GSE1: variants seen among roughly 807,000 people sequenced by gnomAD.
GSE1 encodes the protein genetic suppressor element 1.
A neutral mutation model predicts 112.6 loss-of-function variants in GSE1; 32 were observed. The ratio of observed to expected loss-of-function variants is 0.28; its 90% CI spans 0.21 to 0.38. The LOEUF is 0.38. Ranked by LOEUF, GSE1 falls within the 10% of genes least tolerant of loss-of-function variation. The pLI, the probability that GSE1 is intolerant of heterozygous loss-of-function variation, is 1.00. For missense variants in GSE1, 2,348 were observed against 1,699.2 expected (o/e 1.38, Z -6.71); for synonymous variants, 1,115 against 735.6 (o/e 1.52, Z -8.35).
chr16:85,247,053 C>T (rs1905934193), intron 1 of GSE1, among the ~76,000 whole-genome samples: 1 of 152,138 alleles, frequency 6.6e-6, no homozygotes, highest in Admixed American at 6.5e-5. Context: ...ACCTGCCCCA[C>T]CCCCCAGGGC....
Position 85,648,622 on chromosome 16 carries a change from A to G in GSE1, c.297A>G (p.Thr99=). ...PATNHSSPAS[T]PKRVPMGPII... is the part of the protein sequence containing the mutation. ...CCAACCACAGCTCCCCCGCCAGCAC[A>G]CCCAAGCGCGTGCCCATGGGCCCTA... The change falls in exon 3 of 16, where the codon ACA becomes ACG. Residue 99 remains threonine, a synonymous_variant. Coordinates refer to ENST00000253458, the MANE Select transcript of GSE1 (RefSeq NM_014615.5). 6.2e-7 allele frequency: 1 copy of G among 1,604,776 alleles called. No homozygotes were observed. The highest frequency in any genetic ancestry group is 8.5e-7 in the Non-Finnish European group (1 of 1,175,072).
chr16:85,446,278 GATGGTCTGACTACCTC>G (rs1309629116), intron 2 of GSE1, among the ~76,000 whole-genome samples: 1 of 152,238 alleles, frequency 6.6e-6, no homozygotes, highest in Non-Finnish European at 1.5e-5. Context: ...TCTGGGACCA[GATGGTCTGACTACCTC>G]ATGGTCTCTC....
chr16:85,483,565 G>C (rs1296525286), intron 2 of GSE1, among the ~76,000 whole-genome samples: 1 of 152,274 alleles, frequency 6.6e-6, no homozygotes, highest in Non-Finnish European at 1.5e-5. Context: ...TCCACCAGGC[G>C]ATGCCCAGGC....
At chr16:85,558,479 A>C (rs532376411) in intron 1 of GSE1, among the ~76,000 whole-genome samples, 93 of 152,340 alleles carry the variant, frequency 6.1e-4, no homozygotes, top group African/African-American at 2.2e-3. Flanking sequence ...CTGTTTACAC[A>C]GGGAGACTCA....
intron 1 of GSE1, among the ~76,000 whole-genome samples, chr16:85,338,122 C>T (rs2046544350): frequency 6.6e-6 from 1 of 152,236 alleles, no homozygotes; most frequent in Admixed American, 6.5e-5. Flanking sequence ...TCCTGTTCTT[C>T]CCTGGAGCCC....
At chr16:85,269,431 AGTGTGTGGGTGTGTGAGTGTGT>A (rs1436116149) in intron 1 of GSE1, among the ~76,000 whole-genome samples, 2 of 132,022 alleles carry the variant, frequency 1.5e-5, no homozygotes, top group African/African-American at 6.9e-5. Flanking sequence ...TGTTAGCATG[AGTGTGTGGGTGTGTGAGTGTGT>A]GTGTGTGTGT....
chr16:85,619,469 G>C (rs1239482597), intron 1 of GSE1, among the ~76,000 whole-genome samples: 1 of 152,202 alleles, frequency 6.6e-6, no homozygotes, highest in Non-Finnish European at 1.5e-5. Flanking sequence ...GGCTAACCCT[G>C]AGTCTTATCT....
intron 3 of GSE1, among the ~76,000 whole-genome samples, chr16:85,649,504 C>T (rs2051155860): frequency 6.6e-6 from 1 of 152,178 alleles, no homozygotes; most frequent in African/African-American, 2.4e-5. Flanking sequence ...TTCGGGGCTC[C>T]TTATGTCTGT....
intron 1 of GSE1, among the ~76,000 whole-genome samples, chr16:85,352,111 A>G (rs1161665642): frequency 1.3e-5 from 2 of 152,196 alleles, no homozygotes; most frequent in African/African-American, 4.8e-5. Context: ...GCACATACAC[A>G]CATACAGTCT....
chr16:85,468,064 CT>C (rs1354988479), intron 2 of GSE1, among the ~76,000 whole-genome samples: 1 of 152,174 alleles, frequency 6.6e-6, no homozygotes, highest in Non-Finnish European at 1.5e-5. Flanking sequence ...GAGTGACCCC[CT>C]GGCCTCCTCC....
At chr16:85,279,438 C>T (rs111481733) in intron 1 of GSE1, among the ~76,000 whole-genome samples, 1,915 of 152,262 alleles carry the variant, frequency 0.013, 42 homozygotes, top group African/African-American at 0.044. Flanking sequence ...AAGACCCTGT[C>T]TCTACAAAAA....
At chr16:85,325,193 T>C (rs2046200224) in intron 1 of GSE1, among the ~76,000 whole-genome samples, 1 of 152,058 alleles carries the variant, frequency 6.6e-6, no homozygotes, top group East Asian at 1.9e-4. Flanking sequence ...GGTCTCGAAC[T>C]GCTAGCCCCA....
intron 1 of GSE1, among the ~76,000 whole-genome samples, chr16:85,576,301 C>T (rs1282083189): frequency 6.6e-6 from 1 of 152,126 alleles, no homozygotes; most frequent in East Asian, 1.9e-4. Flanking sequence ...ACATGGTCTC[C>T]GATGTAACTG....
intron 1 of GSE1, among the ~76,000 whole-genome samples, chr16:85,350,713 G>A (rs1427642235): frequency 2.6e-5 from 4 of 152,232 alleles, no homozygotes; most frequent in Admixed American, 2.6e-4. Context: ...TGTTCCAAGT[G>A]CCTTAGCAGA....
chr16:85,218,375 A>G (rs1597824795), intron 1 of GSE1, among the ~76,000 whole-genome samples: 1 of 152,206 alleles, frequency 6.6e-6, no homozygotes, highest in East Asian at 1.9e-4. Context: ...CCTCATCTCT[A>G]GAACACAGTG....
chr16:85,629,361 C>A (rs1260072871), intron 1 of GSE1, among the ~76,000 whole-genome samples: 1 of 152,240 alleles, frequency 6.6e-6, no homozygotes, highest in Non-Finnish European at 1.5e-5. Context: ...AGAGAATTGG[C>A]ATCTGCTCCC....
intron 1 of GSE1, among the ~76,000 whole-genome samples, chr16:85,278,079 G>T (rs865934243): frequency 9.8e-5 from 15 of 152,396 alleles, no homozygotes; most frequent in African/African-American, 3.1e-4. Flanking sequence ...GTCCCGCGAG[G>T]AAGGTCACGG....
chr16:85,335,137 C>G (rs1029474863), intron 1 of GSE1, among the ~76,000 whole-genome samples: 1 of 152,272 alleles, frequency 6.6e-6, no homozygotes, highest in Non-Finnish European at 1.5e-5. Context: ...CTGTTAATCG[C>G]TCATGTTGAT....
chr16:85,238,959 T>C (rs1178385782), intron 1 of GSE1, among the ~76,000 whole-genome samples: 2 of 152,006 alleles, frequency 1.3e-5, no homozygotes, highest in African/African-American at 2.4e-5. Flanking sequence ...AGATGGAGCC[T>C]CGTTCTTGCT....
Sources: allele counts gnomAD v4.1 joint callset (sites outside exome capture counted in the v4.1 genomes callset), GRCh38; gene constraint gnomAD v4.1.1; transcripts MANE v1.5; gene names NCBI Gene and HGNC (gene_info 2026-07-23, HGNC 2026-07-21).